Variants in KIAA0825 observed in about 807,000 individuals in gnomAD.
The protein encoded by KIAA0825 is uncharacterized protein KIAA0825.
KIAA0825 carries 119 observed loss-of-function variants against 147.6 expected under a neutral mutation model. That is an observed-to-expected ratio of 0.81 (90% CI 0.69 to 0.94). KIAA0825 has a LOEUF of 0.94. KIAA0825 is among the 40% of genes least tolerant of loss of function. The probability of loss-of-function intolerance (pLI) is 0.00; values close to 1 mark genes in which losing one functional copy is unlikely to be tolerated. For missense variants in KIAA0825, 1,381 were observed against 1,472.7 expected, an observed-to-expected ratio of 0.94 and a Z score of 1.02; for synonymous variants, 470 against 518.1, an observed-to-expected ratio of 0.91 and a Z score of 1.26.
chr5:94,499,326 A>G (rs572177245), intron 5 of KIAA0825, among the ~76,000 whole-genome samples: 1 of 152,168 alleles, frequency 6.6e-6, no homozygotes, highest in East Asian at 1.9e-4. Flanking sequence ...TTGAAATTCT[A>G]TTTCTGAGCC....
intron 1 of KIAA0825, among the ~76,000 whole-genome samples, chr5:94,608,154 T>A (rs10041843): frequency 0.28 from 42,032 of 151,462 alleles, 6,464 homozygotes; most frequent in African/African-American, 0.38. Flanking sequence ...TTATCCTGCC[T>A]ACCACAGTAC....
intron 20 of KIAA0825, among the ~76,000 whole-genome samples, chr5:94,197,640 A>G (rs1562307843): frequency 6.6e-6 from 1 of 151,974 alleles, no homozygotes; most frequent in African/African-American, 2.4e-5. Flanking sequence ...TCATGAGTTG[A>G]TTTTTTTGTG....
intron 15 of KIAA0825, among the ~76,000 whole-genome samples, chr5:94,412,060 A>G (rs548657588): frequency 7.9e-5 from 12 of 152,328 alleles, no homozygotes; most frequent in African/African-American, 2.6e-4. Flanking sequence ...AATTTTATCA[A>G]TATATGTATA....
At chr5:94,420,756 GA>G (rs900534208) in intron 14 of KIAA0825, among the ~76,000 whole-genome samples, 6 of 151,960 alleles carry the variant, frequency 3.9e-5, no homozygotes, top group South Asian at 2.1e-4. Flanking sequence ...AAGGAAGGCA[GA>G]AAAAATAGAT....
rs1401656817 is a variant in KIAA0825 at position 94,520,367 on chromosome 5, G to C, written c.851C>G (p.Thr284Arg). The C allele has an allele frequency of 2.5e-6, 4 of 1,613,330 alleles. No homozygotes were observed. The highest frequency in any genetic ancestry group is 3.4e-6 in the Non-Finnish European group (4 of 1,179,506). The change falls in exon 5 of 21, where the codon ACA becomes AGA. Residue 284 changes from threonine to arginine, a missense_variant. Transcript: ENST00000682413. ...FIKETYLDTV[T>R]EEMAKFLENF... ...TTCAAGAAATTTTGCCATTTCTTCTGTAACAGTATCCAGGTAAGTTTCTTT... is the reference window on the plus strand; with the variant it reads ...TTCAAGAAATTTTGCCATTTCTTCTCTAACAGTATCCAGGTAAGTTTCTTT...
chr5:94,424,838 A>G (rs80298167), intron 14 of KIAA0825, among the ~76,000 whole-genome samples: 2,885 of 152,312 alleles, frequency 0.019, 84 homozygotes, highest in African/African-American at 0.066. Context: ...GATAAAAAAG[A>G]TCATCAGAGA....
chr5:94,358,898 T>G (rs1320353977), intron 20 of KIAA0825, among the ~76,000 whole-genome samples: 1 of 152,246 alleles, frequency 6.6e-6, no homozygotes, highest in African/African-American at 2.4e-5. Context: ...TAAGGATAAT[T>G]CTTCATTATC....
intron 20 of KIAA0825, among the ~76,000 whole-genome samples, chr5:94,256,456 C>T (rs1038126085): frequency 6.6e-6 from 1 of 152,050 alleles, no homozygotes; most frequent in Non-Finnish European, 1.5e-5. Flanking sequence ...ATTCACTGCT[C>T]AACTTTATTT....
chr5:94,393,971 C>A (rs997640622), intron 17 of KIAA0825, among the ~76,000 whole-genome samples: 2 of 151,878 alleles, frequency 1.3e-5, no homozygotes, highest in Non-Finnish European at 2.9e-5. Context: ...GTCTCAGCCT[C>A]CCTCAGCTGG....
intron 20 of KIAA0825, among the ~76,000 whole-genome samples, chr5:94,301,874 T>A (rs1778424481): frequency 6.6e-6 from 1 of 152,132 alleles, no homozygotes; most frequent in Non-Finnish European, 1.5e-5. Context: ...TTTGATTTTA[T>A]CCCTCTAAAA....
At chr5:94,571,589 A>T (rs528541220) in intron 2 of KIAA0825, among the ~76,000 whole-genome samples, 3 of 152,240 alleles carry the variant, frequency 2.0e-5, no homozygotes, top group African/African-American at 7.2e-5. Flanking sequence ...TCTGTGGCTA[A>T]GTATTAAAAG....
intron 20 of KIAA0825, among the ~76,000 whole-genome samples, chr5:94,240,681 TG>T (rs1409264271): frequency 6.6e-6 from 1 of 152,092 alleles, no homozygotes; most frequent in African/African-American, 2.4e-5. Flanking sequence ...AACAGGGGTG[TG>T]GGGTTGCCAG....
At chr5:94,406,849 G>A (rs1346126538) in intron 15 of KIAA0825, among the ~76,000 whole-genome samples, 3 of 152,082 alleles carry the variant, frequency 2.0e-5, no homozygotes, top group African/African-American at 7.2e-5. Flanking sequence ...TATACACAAC[G>A]TCCCAGTTTC....
chr5:94,597,932 T>A (rs1287023926), intron 1 of KIAA0825, among the ~76,000 whole-genome samples: 2 of 152,148 alleles, frequency 1.3e-5, no homozygotes, highest in Non-Finnish European at 2.9e-5. Context: ...ATATGGCACT[T>A]ATCATTCATG....
At position 94,396,110 on chromosome 5, in the gene KIAA0825, C is replaced by T; in HGVS notation, c.3287G>A (p.Ser1096Asn). The stretch of plus-strand genomic sequence containing the variant: ...AAAAACATCACTTTACCATTCAGTG[C>T]TCAGTTTCCTTGCTTTCAACAATTG... The part of the protein sequence containing the change: ...ERQLLKARKL[S>N]TECAFMTIEK... Residue 1096 changes from serine (S) to asparagine (N), a missense_variant, in exon 17 of 21, where the codon AGC becomes AAC. By Grantham distance (46) the Ser-to-Asn change is conservative. Transcript: ENST00000682413. The T allele has an allele frequency of 1.4e-6, 2 of 1,478,178 alleles. No individual in the cohort carries two copies. The highest frequency in any genetic ancestry group is 1.8e-6 in the Non-Finnish European group (2 of 1,114,774). The allele number at this position is 1,478,178 out of a possible 1,614,324, so 91.6% of individuals were successfully genotyped here.
intron 3 of KIAA0825, among the ~76,000 whole-genome samples, chr5:94,527,090 A>G (rs762568526): frequency 7.2e-5 from 11 of 152,034 alleles, no homozygotes; most frequent in Non-Finnish European, 1.6e-4. Flanking sequence ...GCCTCACTTT[A>G]AAACTATATT....
At chr5:94,341,631 C>T (rs1437019187) in intron 20 of KIAA0825, among the ~76,000 whole-genome samples, 1 of 152,024 alleles carries the variant, frequency 6.6e-6, no homozygotes, top group African/African-American at 2.4e-5. Flanking sequence ...TCTCTTTATG[C>T]CTATCCTTTT....
intron 20 of KIAA0825, among the ~76,000 whole-genome samples, chr5:94,162,562 G>T (rs904879757): frequency 1.3e-5 from 2 of 151,970 alleles, no homozygotes; most frequent in African/African-American, 4.8e-5. Flanking sequence ...CAAAGCATTG[G>T]GATTATAAGT....
chr5:94,455,250 A>T (rs1758954594), intron 12 of KIAA0825, among the ~76,000 whole-genome samples: 1 of 152,186 alleles, frequency 6.6e-6, no homozygotes. Flanking sequence ...ACTCTGGAAC[A>T]TACCCACACT....
Sources: allele counts gnomAD v4.1 joint callset (sites outside exome capture counted in the v4.1 genomes callset), GRCh38; gene constraint gnomAD v4.1.1; transcripts MANE v1.5; gene names NCBI Gene and HGNC (gene_info 2026-07-23, HGNC 2026-07-21).